STX6: variants seen among roughly 807,000 people sequenced by gnomAD.
The protein encoded by STX6 is syntaxin 6, also known as syntaxin-6.
In STX6, 23 loss-of-function variants were observed where a neutral mutation model predicts 38.0. That is an observed-to-expected ratio of 0.60 (90% CI 0.43 to 0.86). The LOEUF is 0.86. Ranked by LOEUF, STX6 falls within the 40% of genes least tolerant of loss-of-function variation. The pLI is 0.00. For synonymous variants in STX6, 123 were observed against 107.5 expected (o/e 1.14, Z -0.89); for missense variants, 274 against 312.9 (o/e 0.88, Z 0.94).
At position 180,976,283 on chromosome 1, in the gene STX6, C is replaced by T. The variant is rs750884397; in HGVS notation, c.*287G>A. ...AGTCCCTCCTCAGCAAACGAGGTCC[C>T]GGAAGGCAAGGCAGCAGCTAGTTCT... On this transcript the variant is annotated 3_prime_UTR_variant, in exon 8 of 8. Coordinates refer to ENST00000258301, the MANE Select transcript of STX6 (RefSeq NM_005819.6). The T allele has an allele frequency of 2.3e-5, 9 of 396,640 alleles. No individual in the cohort carries two copies. Among genetic ancestry groups the T allele is most frequent in the Non-Finnish European group, 3.3e-5 (7 of 210,174 alleles). 24.6% of individuals were successfully genotyped at this position (396,640 alleles called of 1,614,324 possible). A position where few individuals can be genotyped will look rare whatever the true frequency, so the allele number is the denominator to read the frequency against.
chr1:181,021,800 G>C (rs965673724), intron 1 of STX6, among the ~76,000 whole-genome samples: 1 of 152,210 alleles, frequency 6.6e-6, no homozygotes. Context: ...TAGCTTGTAA[G>C]GGAACAGAAG....
intron 1 of STX6, among the ~76,000 whole-genome samples, chr1:181,011,135 T>G (rs985052280): frequency 6.6e-6 from 1 of 152,244 alleles, no homozygotes; most frequent in Non-Finnish European, 1.5e-5. Context: ...AAAGCTCTTA[T>G]TTTTAAAAAG....
intron 4 of STX6, among the ~76,000 whole-genome samples, chr1:180,991,128 G>C (rs1318186598): frequency 6.6e-6 from 1 of 152,208 alleles, no homozygotes; most frequent in Non-Finnish European, 1.5e-5. Flanking sequence ...ACAGCCCCAT[G>C]ACCTTCCTCC....
At chr1:180,984,864 C>T in intron 6 of STX6, 93 bp from the exon 7 acceptor site, 1 of 533,250 alleles carries the variant, frequency 1.9e-6, no homozygotes, top group Non-Finnish European at 3.5e-6. Flanking sequence ...TCCATTTTAG[C>T]AAACAAAATA....
intron 1 of STX6, among the ~76,000 whole-genome samples, chr1:181,018,750 C>G (rs1468270574): frequency 6.6e-6 from 1 of 152,124 alleles, no homozygotes; most frequent in African/African-American, 2.4e-5. Context: ...AACTGGTCTC[C>G]TTTTTCATCT....
At chr1:180,985,702 T>A (rs1421378726) in intron 6 of STX6, among the ~76,000 whole-genome samples, 1 of 152,270 alleles carries the variant, frequency 6.6e-6, no homozygotes, top group East Asian at 1.9e-4. Context: ...GCAGTGCCTA[T>A]TTCATAAGTC....
intron 7 of STX6, 60 bp from the exon 8 acceptor site, chr1:180,976,706 TTA>T (rs1159057148): frequency 1.3e-6 from 2 of 1,514,828 alleles, no homozygotes; most frequent in African/African-American, 2.7e-5. Context: ...CAAGATACAG[TTA>T]TATGGAATTT....
chr1:181,014,425 G>A (rs1656498585), intron 1 of STX6, among the ~76,000 whole-genome samples: 2 of 151,536 alleles, frequency 1.3e-5, no homozygotes, highest in African/African-American at 2.4e-5. Context: ...AGAAAGAAAA[G>A]CAACACAGGA....
rs74836531 is a variant in STX6 at position 180,983,435 on chromosome 1, G to A, written c.691+1242C>T. On this transcript the variant is annotated intron_variant, in intron 7 of 7. Coordinates refer to ENST00000258301, the MANE Select transcript of STX6 (RefSeq NM_005819.6). ...CAAGCAACCCCCACCAGATAAAGAA[G>A]AGATACTGGATTTTTTAAAATTTAA... 2.6e-3 allele frequency among the ~76,000 whole-genome samples: 402 copies of A among 152,262 alleles called. 7 individuals are homozygous for A. Among genetic ancestry groups the A allele is most frequent in the African/African-American group, 9.3e-3 (385 of 41,562 alleles).
intron 7 of STX6, among the ~76,000 whole-genome samples, chr1:180,984,382 C>T (rs2102304236): frequency 6.6e-6 from 1 of 152,140 alleles, no homozygotes; most frequent in East Asian, 1.9e-4. Context: ...CATGTCTCTA[C>T]TAAAAATACA....
At position 180,973,180 on chromosome 1, in the gene STX6, C is replaced by T. The variant is rs1159181529; in HGVS notation, c.*3390G>A. 7 of 152,356 alleles carry T rather than the reference C, an allele frequency of 4.6e-5. No individual in the cohort carries two copies. Among genetic ancestry groups the T allele is most frequent in the African/African-American group, 1.7e-4 (7 of 41,452 alleles). The allele number at this position is 152,356 out of a possible 1,614,324, so 9.4% of individuals were successfully genotyped here. On this transcript the variant is annotated 3_prime_UTR_variant, in exon 8 of 8. Coordinates refer to ENST00000258301, the MANE Select transcript of STX6 (RefSeq NM_005819.6). Reference sequence around the variant, plus strand: ...AGGCAGTACATTCCATATTTCAGAACTTTAGCTTTCCAGACAGTCCAATTT... The same window carrying T: ...AGGCAGTACATTCCATATTTCAGAATTTTAGCTTTCCAGACAGTCCAATTT...
chr1:181,002,745 G>C (rs932537398), intron 2 of STX6, 45 bp from the exon 3 acceptor site: 2 of 1,312,542 alleles, frequency 1.5e-6, no homozygotes, highest in South Asian at 1.2e-5. Context: ...ATCAAAGCCT[G>C]ACAACATCCT....
At chr1:180,985,944 G>A (rs1333924509) in intron 6 of STX6, among the ~76,000 whole-genome samples, 1 of 152,188 alleles carries the variant, frequency 6.6e-6, no homozygotes, top group African/African-American at 2.4e-5. Context: ...CATATATGTT[G>A]ACAACTAAAA....
At chr1:181,022,566 G>A (rs981906625) in intron 1 of STX6, 73 bp downstream of exon 1, 101 of 1,504,762 alleles carry the variant, frequency 6.7e-5, no homozygotes, top group Non-Finnish European at 8.4e-5. Context: ...CCCCCACTGC[G>A]AGAAGACCTA....
chr1:180,998,651 G>C (rs949650477), intron 3 of STX6, among the ~76,000 whole-genome samples: 3 of 152,200 alleles, frequency 2.0e-5, no homozygotes, highest in Non-Finnish European at 4.4e-5. Flanking sequence ...AAAGTGCTGG[G>C]ATTATAGGCA....
At chr1:180,988,423 A>G (rs369229530) in intron 5 of STX6, 78 bp from the exon 6 acceptor site, 28 of 1,133,006 alleles carry the variant, frequency 2.5e-5, no homozygotes, top group Middle Eastern at 4.0e-4. Context: ...AGCAGCTGCT[A>G]GTTTCTTTGC....
At chr1:180,985,394 C>A (rs936697441) in intron 6 of STX6, among the ~76,000 whole-genome samples, 3 of 152,234 alleles carry the variant, frequency 2.0e-5, no homozygotes, top group Non-Finnish European at 2.9e-5. Flanking sequence ...CCTCACAGGG[C>A]TCTTGTGAGA....
intron 1 of STX6, among the ~76,000 whole-genome samples, chr1:181,014,156 G>A (rs1656487793): frequency 6.6e-6 from 1 of 152,156 alleles, no homozygotes; most frequent in Non-Finnish European, 1.5e-5. Context: ...CCAGCACTTT[G>A]GGAAGCCGAG....
chr1:181,019,939 G>A (rs970222857), intron 1 of STX6, among the ~76,000 whole-genome samples: 3 of 152,140 alleles, frequency 2.0e-5, no homozygotes, highest in Admixed American at 2.0e-4. Context: ...GAGACAGGTG[G>A]ATCACAAGGT....
Sources: gnomAD v4.1 joint callset for allele counts (sites outside exome capture counted in the v4.1 genomes callset) on GRCh38, gnomAD v4.1.1 for gene constraint, MANE v1.5 for transcripts, NCBI Gene and HGNC (gene_info 2026-07-23, HGNC 2026-07-21) for gene names.